KDM4B: variants seen among roughly 807,000 people sequenced by gnomAD.
KDM4B encodes the protein lysine-specific demethylase 4B.
A neutral mutation model predicts 125.2 loss-of-function variants in KDM4B; 32 were observed. The observed-to-expected ratio is 0.26, with a 90% CI of 0.19 to 0.34. The LOEUF (loss-of-function observed/expected upper bound fraction) is 0.34. KDM4B is among the 10% of genes least tolerant of loss of function. KDM4B has a pLI of 1.00. For synonymous variants in KDM4B, 721 were observed against 677.9 expected (o/e 1.06, Z -0.99); for missense variants, 1,190 against 1,577.7 (o/e 0.75, Z 4.16).
chr19:5,122,875 G>A (rs920374394), intron 11 of KDM4B, among the ~76,000 whole-genome samples: 4 of 152,234 alleles, frequency 2.6e-5, no homozygotes, highest in East Asian at 1.9e-4. Flanking sequence ...CCTGGAAGCC[G>A]GTGCAGCGGG....
At chr19:5,020,594 A>G (rs2036084120) in intron 2 of KDM4B, among the ~76,000 whole-genome samples, 1 of 152,160 alleles carries the variant, frequency 6.6e-6, no homozygotes, top group African/African-American at 2.4e-5. Context: ...CTTGGTGCCC[A>G]GAGGAAGCCA....
Position 5,153,346 on chromosome 19 carries a change from C to G in KDM4B, c.*1835C>G, listed in dbSNP as rs879585966. 2.0e-5 allele frequency: 3 copies of G among 152,276 alleles called. No individual in the cohort carries two copies. The highest frequency in any genetic ancestry group is 2.9e-5 in the Non-Finnish European group (2 of 68,096). The allele number at this position is 152,276 out of a possible 1,614,324, so 9.4% of individuals were successfully genotyped here. A position where few individuals can be genotyped will look rare whatever the true frequency, so the allele number is the denominator to read the frequency against. ...AGAAGCGGGCGGGTGCCCCTGCTGC[C>G]CTTGTCCCTTGGGGGTCACACCCAT... On this transcript the variant is annotated 3_prime_UTR_variant, in exon 23 of 23. Coordinates refer to ENST00000159111, the MANE Select transcript of KDM4B (RefSeq NM_015015.3).
chr19:5,036,655 T>C (rs997507329), intron 3 of KDM4B, among the ~76,000 whole-genome samples: 9 of 152,236 alleles, frequency 5.9e-5, no homozygotes, highest in Admixed American at 1.3e-4. Flanking sequence ...CTCAGCTGAA[T>C]CTGGCCCCCC....
chr19:5,090,479 CCTCT>C (rs201006917), intron 9 of KDM4B, among the ~76,000 whole-genome samples: 2 of 40,828 alleles, frequency 4.9e-5, no homozygotes, highest in African/African-American at 1.2e-4. Context: ...TCTCTCCCCC[CCTCT>C]CTTTCTCTCC....
intron 10 of KDM4B, chr19:5,111,945 T>C (rs1568304650): frequency 7.5e-6 from 5 of 667,744 alleles, no homozygotes; most frequent in Non-Finnish European, 1.4e-5. Flanking sequence ...ATTTTTCTGT[T>C]TTGAGCCACT....
chr19:5,070,412 T>C lies in KDM4B; in HGVS notation c.627-598T>C, dbSNP rs540183328. ...CGTGTGTTTGCACACTTTCATCTTA[T>C]GTCTTTCTTATTCATGATGGAGCCT... On this transcript the variant is annotated intron_variant, in intron 6 of 22. Coordinates refer to ENST00000159111, the MANE Select transcript of KDM4B (RefSeq NM_015015.3). Among the ~76,000 whole-genome samples the C allele has an allele frequency of 5.9e-5, 9 of 152,362 alleles. No homozygotes were observed. In the South Asian group the frequency reaches 1.9e-3, roughly 32 times the overall value.
chr19:5,125,708 G>T (rs947875612), intron 11 of KDM4B, among the ~76,000 whole-genome samples: 46 of 152,348 alleles, frequency 3.0e-4, no homozygotes, highest in African/African-American at 1.1e-3. Flanking sequence ...AGCGAGGAGG[G>T]TTAGGGGCTA....
At chr19:5,143,864 C>A (rs528894048) in intron 18 of KDM4B, 103 bp from the exon 19 acceptor site, 11 of 942,754 alleles carry the variant, frequency 1.2e-5, no homozygotes, top group African/African-American at 3.3e-5. Flanking sequence ...GCCACTCCCG[C>A]GATGCCTCCC....
At chr19:5,094,350 C>T (rs947870119) in intron 9 of KDM4B, among the ~76,000 whole-genome samples, 1 of 152,228 alleles carries the variant, frequency 6.6e-6, no homozygotes, top group Non-Finnish European at 1.5e-5. Context: ...GGTCCCTGAG[C>T]GGGGGACCTG....
rs1185469684 is a variant in KDM4B, at chr19:5,035,695, C to T, written c.141+2664C>T. Among the ~76,000 whole-genome samples the T allele has an allele frequency of 6.6e-6, 1 of 152,020 alleles. No homozygotes were observed. Among genetic ancestry groups the T allele is most frequent in the African/African-American group, 2.4e-5 (1 of 41,374 alleles). On this transcript the variant is annotated intron_variant, in intron 3 of 22. Coordinates refer to ENST00000159111, the MANE Select transcript of KDM4B (RefSeq NM_015015.3). The surrounding 1 kb of genome is among the most constrained non-coding windows in gnomAD (Gnocchi z 5.3). ...AAGCCAGTGTGGGGAGTATGGTTTCCCTGCCTTGCGTTCTGCGTGTTCCTT... is the reference window on the plus strand; with the variant it reads ...AAGCCAGTGTGGGGAGTATGGTTTCTCTGCCTTGCGTTCTGCGTGTTCCTT...
chr19:5,108,795 C>A (rs2039083903), intron 9 of KDM4B, among the ~76,000 whole-genome samples: 1 of 152,210 alleles, frequency 6.6e-6, no homozygotes, highest in African/African-American at 2.4e-5. Flanking sequence ...GCTTCTGAGG[C>A]TGAGATAAGG....
rs552602064 is a variant in KDM4B at position 5,043,266 on chromosome 19, G to A, written c.432+2015G>A. ...TGGGGTGTCCACCTTATCCCGTGCTGTGTTTATCGGAGTGGGGGTGTCCAC... is the reference window on the plus strand; with the variant it reads ...TGGGGTGTCCACCTTATCCCGTGCTATGTTTATCGGAGTGGGGGTGTCCAC... On this transcript the variant is annotated intron_variant, in intron 5 of 22. Transcript: ENST00000159111. 9.3e-4 allele frequency among the ~76,000 whole-genome samples: 120 copies of A among 129,402 alleles called. 1 individual carries two copies. The highest frequency in any genetic ancestry group is 1.2e-3 in the Non-Finnish European group (70 of 59,244). The allele number at this position is 129,402 out of a possible 152,430, so 84.9% of individuals were successfully genotyped here.
intron 9 of KDM4B, among the ~76,000 whole-genome samples, chr19:5,090,393 C>CT (rs1473805972): frequency 1.4e-4 from 8 of 59,056 alleles, no homozygotes; most frequent in Non-Finnish European, 2.4e-4. Flanking sequence ...TATCTCTCCC[C>CT]CTCTCTCTCT....
chr19:5,057,073 C>CGT (rs927625039), intron 6 of KDM4B, among the ~76,000 whole-genome samples: 16 of 143,514 alleles, frequency 1.1e-4, no homozygotes, highest in Admixed American at 2.7e-4. Context: ...TGTGCGCGCG[C>CGT]GCGCGTATGT....
chr19:5,023,162 G>T (rs895096237), intron 2 of KDM4B, among the ~76,000 whole-genome samples: 2 of 152,356 alleles, frequency 1.3e-5, no homozygotes, highest in African/African-American at 4.8e-5. Flanking sequence ...GAGGCTGGAA[G>T]AGGCTGTGCT....
chr19:4,971,593 G>A lies in KDM4B; in HGVS notation c.-109+2363G>A, dbSNP rs1329398234. 2.0e-5 allele frequency among the ~76,000 whole-genome samples: 3 copies of A among 152,152 alleles called. No individual in the cohort carries two copies. Among genetic ancestry groups the A allele is most frequent in the East Asian group, 3.9e-4 (2 of 5,190 alleles). ...CTGGGGCTGCTAGGTTTCCAGTGCC[G>A]AGTGCCATGCCGGGACAGGTTGGGA... On this transcript the variant is annotated intron_variant, in intron 1 of 22. Transcript: ENST00000159111. The surrounding 1 kb of genome is among the most constrained non-coding windows in gnomAD (Gnocchi z 4.1).
chr19:5,133,857 T>C, intron 13 of KDM4B, 26 bp from the exon 14 acceptor site: 12 of 1,608,714 alleles, frequency 7.5e-6, no homozygotes, highest in African/African-American at 1.3e-5. Context: ...CAAGTGTCTC[T>C]CTCCCTCTCC....
chr19:4,983,817 C>T (rs1599353907), intron 1 of KDM4B, among the ~76,000 whole-genome samples: 1 of 152,152 alleles, frequency 6.6e-6, no homozygotes, highest in Non-Finnish European at 1.5e-5. Context: ...CGGGAGGATT[C>T]GCAGCAGGGA....
chr19:4,984,867 C>T (rs1599355910), intron 1 of KDM4B, among the ~76,000 whole-genome samples: 2 of 152,272 alleles, frequency 1.3e-5, no homozygotes, highest in South Asian at 4.1e-4. Flanking sequence ...GGTCTGGCAC[C>T]TGCTCCGTGA....
Sources: allele counts gnomAD v4.1 joint callset (sites outside exome capture counted in the v4.1 genomes callset), GRCh38; gene constraint gnomAD v4.1.1; non-coding constraint Gnocchi (gnomAD v3.1); transcripts MANE v1.5; gene names NCBI Gene and HGNC (gene_info 2026-07-23, HGNC 2026-07-21).